Variants in EMC8 observed in about 807,000 individuals in gnomAD.
EMC8 encodes the protein ER membrane protein complex subunit 8.
Under a neutral mutation model 24.3 loss-of-function variants are expected in EMC8, and 11 were observed. That is an observed-to-expected ratio of 0.45 (90% CI 0.28 to 0.75). The LOEUF is 0.75. Among genes scored for constraint, EMC8 ranks in the 30% least tolerant of loss-of-function variants. The pLI is 0.12. For synonymous variants in EMC8, 145 were observed against 117.7 expected (o/e 1.23, Z -1.50); for missense variants, 277 against 282.7 (o/e 0.98, Z 0.14).
chr16:85,794,426 C>G (rs918702052), intron 1 of EMC8, among the ~76,000 whole-genome samples: 1 of 152,142 alleles, frequency 6.6e-6, no homozygotes, highest in East Asian at 1.9e-4. Flanking sequence ...CGGTGACTCA[C>G]GTCTGTAATC....
In EMC8 at chr16:85,799,319, G is replaced by C; in HGVS notation, c.-24C>G. The C allele has an allele frequency of 6.5e-7, 1 of 1,529,012 alleles. No homozygotes were observed. The highest frequency in any genetic ancestry group is 1.8e-5 in the Admixed American group (1 of 55,296). 94.7% of individuals were successfully genotyped at this position (1,529,012 alleles called of 1,614,324 possible). A position where few individuals can be genotyped will look rare whatever the true frequency, so the allele number is the denominator to read the frequency against. On this transcript the variant is annotated 5_prime_UTR_variant, in exon 1 of 5. Transcript: ENST00000253457. This position sits in a 1 kb window ranked among gnomAD's most constrained non-coding sequence, Gnocchi z 4.2. ...ATGCTGACCCGGGAGGGCCCCGGAGGCCCCTGGGCGCGCGGCTGAGGCCTG... is the reference window on the plus strand; with the variant it reads ...ATGCTGACCCGGGAGGGCCCCGGAGCCCCCTGGGCGCGCGGCTGAGGCCTG...
Position 85,799,070 on chromosome 16 carries a change from T to G in EMC8, c.226A>C (p.Thr76Pro). ...GGGGCCCTTTCCGCGCTTACCAGGG[T>G]GAGAGCCACCTCCAGCATGGGGGCG... ...ALAPMLEVALTLIDSWCKDHS... is the reference protein window; with the variant it reads ...ALAPMLEVALPLIDSWCKDHS... Residue 76 changes from threonine (T) to proline (P), a missense_variant, in exon 1 of 5, where the codon ACC becomes CCC. By Grantham distance (38) the Thr-to-Pro change is conservative. Transcript: ENST00000253457. The surrounding 1 kb of genome is among the most constrained non-coding windows in gnomAD (Gnocchi z 4.2). 6.5e-7 allele frequency: 1 copy of G among 1,546,280 alleles called. No individual in the cohort carries two copies. The highest frequency in any genetic ancestry group is 8.7e-7 in the Non-Finnish European group (1 of 1,142,892).
intron 1 of EMC8, among the ~76,000 whole-genome samples, chr16:85,795,428 C>G (rs1905207630): frequency 1.3e-5 from 2 of 152,204 alleles, no homozygotes; most frequent in South Asian, 4.1e-4. Context: ...CCTCACGGCC[C>G]TGGTTAGTCT....
chr16:85,785,753 G>C (rs976373729), intron 2 of EMC8, among the ~76,000 whole-genome samples: 1 of 152,162 alleles, frequency 6.6e-6, no homozygotes, highest in Admixed American at 6.5e-5. Context: ...TTCCTAGGAA[G>C]AGCCAGCTGC....
intron 2 of EMC8, 106 bp downstream of exon 2, chr16:85,788,868 G>C (rs973275163): frequency 1.3e-6 from 1 of 789,292 alleles, no homozygotes; most frequent in African/African-American, 1.7e-5. Flanking sequence ...GAGGGAAGGG[G>C]TGTAGGTCTC....
At chr16:85,783,587 G>C (rs964240448) in intron 2 of EMC8, among the ~76,000 whole-genome samples, 3 of 152,180 alleles carry the variant, frequency 2.0e-5, no homozygotes, top group Non-Finnish European at 4.4e-5. Context: ...GCAAGATGAA[G>C]GCTGCTATTC....
chr16:85,786,328 C>T (rs1037267807), intron 2 of EMC8, among the ~76,000 whole-genome samples: 25 of 152,162 alleles, frequency 1.6e-4, no homozygotes, highest in African/African-American at 5.8e-4. Context: ...CTAGGTCTGG[C>T]TGAAGAGAGG....
intron 2 of EMC8, 78 bp downstream of exon 2, chr16:85,788,896 C>G: frequency 9.7e-7 from 1 of 1,028,094 alleles, no homozygotes. Context: ...TCGTATCTGG[C>G]CGAAAAGCAC....
At chr16:85,786,816 G>A (rs1904775346) in intron 2 of EMC8, among the ~76,000 whole-genome samples, 1 of 152,208 alleles carries the variant, frequency 6.6e-6, no homozygotes, top group African/African-American at 2.4e-5. Flanking sequence ...AACGAGGTCA[G>A]CACAGAGGTA....
At chr16:85,791,396 C>T (rs1417078588) in intron 1 of EMC8, among the ~76,000 whole-genome samples, 1 of 152,128 alleles carries the variant, frequency 6.6e-6, no homozygotes, top group Non-Finnish European at 1.5e-5. Flanking sequence ...TGGTTTGCTG[C>T]ACCTACCAAC....
intron 2 of EMC8, among the ~76,000 whole-genome samples, chr16:85,788,241 C>T (rs936071078): frequency 6.6e-6 from 1 of 152,272 alleles, no homozygotes; most frequent in African/African-American, 2.4e-5. Flanking sequence ...GGCCACCTGC[C>T]CAAGGGCACT....
intron 1 of EMC8, among the ~76,000 whole-genome samples, chr16:85,795,161 A>G (rs970713017): frequency 6.6e-6 from 1 of 152,250 alleles, no homozygotes; most frequent in African/African-American, 2.4e-5. Context: ...TAACTCTGTC[A>G]AGGTTACTTA....
intron 1 of EMC8, chr16:85,798,741 G>A (rs1426140576): frequency 3.1e-6 from 1 of 317,596 alleles, no homozygotes. Flanking sequence ...AAATCCTCAA[G>A]GGAAACTCTG....
At chr16:85,787,501 A>G (rs1904807373) in intron 2 of EMC8, 1 of 152,294 alleles carries the variant, frequency 6.6e-6, no homozygotes, top group African/African-American at 2.4e-5. Flanking sequence ...TCTTTCATGT[A>G]ACAAAGACTA....
chr16:85,794,282 C>G (rs1388815649), intron 1 of EMC8, among the ~76,000 whole-genome samples: 1 of 152,166 alleles, frequency 6.6e-6, no homozygotes, highest in African/African-American at 2.4e-5. Flanking sequence ...TGTGGATGGA[C>G]TCCAGCTGCA....
In EMC8 at chr16:85,788,988, T is replaced by G. The variant is rs761683906; in HGVS notation, c.294A>C (p.Arg98=). ...VIAGYYQANE[R]VKDASPNQVA... ...CATCCACGTACCTGGCATCCTTTAC[T>G]CGCTCATTAGCTTGATAATAACCAG... Residue 98 remains arginine, a synonymous_variant, in exon 2 of 5, where the codon CGA becomes CGC. Transcript: ENST00000253457. The G allele has an allele frequency of 1.9e-6, 3 of 1,613,378 alleles. No individual in the cohort carries two copies. The Admixed American group carries it at 5.0e-5, about 27-fold the overall frequency.
chr16:85,793,900 G>GT (rs1306146111), intron 1 of EMC8, among the ~76,000 whole-genome samples: 23 of 152,170 alleles, frequency 1.5e-4, no homozygotes, highest in Non-Finnish European at 2.4e-4. Context: ...GTTAATAGGC[G>GT]TAAGTACTTA....
Position 85,788,872 on chromosome 16 carries a change from A to C in EMC8, c.308+102T>G, listed in dbSNP as rs564681690. 18 of 799,392 alleles carry C rather than the reference A, an allele frequency of 2.3e-5. No individual in the cohort carries two copies. In the African/African-American group the frequency reaches 2.9e-4, roughly 13 times the overall value. The allele number at this position is 799,392 out of a possible 1,614,324, so 49.5% of individuals were successfully genotyped here. On this transcript the variant is annotated intron_variant, in intron 2 of 4. Coordinates refer to ENST00000253457, the MANE Select transcript of EMC8 (RefSeq NM_006067.5). ...AAATAAGCACAGAGGGAAGGGGTGT[A>C]GGTCTCACAGGTTTCGTATCTGGCC...
intron 1 of EMC8, among the ~76,000 whole-genome samples, chr16:85,797,792 T>A (rs1905302165): frequency 6.6e-6 from 1 of 152,204 alleles, no homozygotes; most frequent in Non-Finnish European, 1.5e-5. Context: ...ACTTCTTACA[T>A]CAATTAGCTA....
Sources: gnomAD v4.1 joint callset for allele counts (sites outside exome capture counted in the v4.1 genomes callset) on GRCh38, gnomAD v4.1.1 for gene constraint, Gnocchi (gnomAD v3.1) non-coding constraint, MANE v1.5 for transcripts, NCBI Gene and HGNC (gene_info 2026-07-23, HGNC 2026-07-21) for gene names.